Variants in UGT1A4 observed in about 807,000 individuals in gnomAD.
The protein encoded by UGT1A4 is UDP-glucuronosyltransferase 1A4.
A neutral mutation model predicts 41.1 loss-of-function variants in UGT1A4; 32 were observed. The observed-to-expected ratio is 0.78, with a 90% confidence interval of 0.59 to 1.05. The LOEUF (loss-of-function observed/expected upper bound fraction) is 1.05, where lower values mean the gene tolerates loss of function less well. Ranked by LOEUF, UGT1A4 falls within the 50% of genes least tolerant of loss-of-function variation. UGT1A4 has a pLI of 0.00. For missense variants in UGT1A4, 748 were observed against 677.4 expected, an observed-to-expected ratio of 1.10 and a Z score of -1.16; for synonymous variants, 283 against 265.1, an observed-to-expected ratio of 1.07 and a Z score of -0.66.
Position 233,718,936 on chromosome 2 carries a change from G to A in UGT1A4, c.116G>A (p.Ser39Asn), listed in dbSNP as rs377569610. 7.4e-6 allele frequency: 12 copies of A among 1,614,050 alleles called. No homozygotes were observed. In the African/African-American group the frequency reaches 1.3e-4, roughly 18 times the overall value. Reference sequence around the variant, plus strand: ...GTGTTGGTGGTGCCCACTGATGGCAGCCCCTGGCTCAGCATGCGGGAGGCC... The same window carrying A: ...GTGTTGGTGGTGCCCACTGATGGCAACCCCTGGCTCAGCATGCGGGAGGCC... ...GKVLVVPTDG[S>N]PWLSMREALR... Residue 39 changes from serine (S) to asparagine (N), a missense_variant, in exon 1 of 5, where the codon AGC becomes AAC. Coordinates refer to ENST00000373409, the MANE Select transcript of UGT1A4 (RefSeq NM_007120.3).
At chr2:233,743,452 GA>G (rs1692298839) in intron 1 of UGT1A4, 1 of 1,365,542 alleles carries the variant, frequency 7.3e-7, no homozygotes, top group Non-Finnish European at 9.8e-7. Flanking sequence ...ATCAAAAGAA[GA>G]AAAAACACCC....
At chr2:233,760,942 C>G (rs1253140529) in intron 1 of UGT1A4, 13 of 1,614,092 alleles carry the variant, frequency 8.1e-6, no homozygotes, top group Non-Finnish European at 1.1e-5. Flanking sequence ...TGCCTTTTCA[C>G]AGAACTTTCT....
At chr2:233,757,535 A>AATATATATACATATATATACATATAT (rs376887521) in intron 1 of UGT1A4, among the ~76,000 whole-genome samples, 1 of 88,312 alleles carries the variant, frequency 1.1e-5, no homozygotes, top group Non-Finnish European at 2.2e-5. Context: ...GCCTGTAAGG[A>AATATATATACATATATATACATATAT]ATATATATAT....
chr2:233,762,717 G>GT lies in UGT1A4; in HGVS notation c.868-4305dup, dbSNP rs34681509. 2.7e-3 allele frequency among the ~76,000 whole-genome samples: 387 copies of GT among 141,006 alleles called. 1 individual carries two copies. The highest frequency in any genetic ancestry group is 0.012 in the Middle Eastern group (3 of 260). 92.5% of individuals were successfully genotyped at this position (141,006 alleles called of 152,430 possible). On this transcript the variant is annotated intron_variant, in intron 1 of 4. Coordinates refer to ENST00000373409, the MANE Select transcript of UGT1A4 (RefSeq NM_007120.3). ...CATCTTTTCTTAAGTATTTTACACG[G>GT]TTTTTTTTTTTTGGTCACTACTGTG...
At chr2:233,763,451 A>G (rs1353654111) in intron 1 of UGT1A4, among the ~76,000 whole-genome samples, 1 of 152,150 alleles carries the variant, frequency 6.6e-6, no homozygotes, top group African/African-American at 2.4e-5. Flanking sequence ...CATTTTGCCT[A>G]TTTGAATCTA....
intron 2 of UGT1A4, among the ~76,000 whole-genome samples, chr2:233,767,555 C>A (rs1317722684): frequency 3.3e-5 from 5 of 152,206 alleles, no homozygotes; most frequent in Non-Finnish European, 7.3e-5. Context: ...AGTTCTGCAT[C>A]CACTTGTTTC....
Position 233,768,056 on chromosome 2 carries a change from T to G in UGT1A4, c.1087+120T>G, listed in dbSNP as rs35523971. The G allele has an allele frequency of 3.2e-4, 515 of 1,603,390 alleles. No homozygotes were observed. In the African/African-American group the frequency reaches 5.5e-3, roughly 17 times the overall value. On this transcript the variant is annotated intron_variant, in intron 3 of 4. Transcript: ENST00000373409. The stretch of plus-strand genomic sequence containing the variant: ...ATATTATGGCCAACATATCCTACAT[T>G]GCTTTTTATCTAGTGGGGTATCTCA...
In UGT1A4 at chr2:233,768,702, G is replaced by A. The variant is rs573948432; in HGVS notation, c.1307+263G>A. On this transcript the variant is annotated intron_variant, in intron 4 of 4. Coordinates refer to ENST00000373409, the MANE Select transcript of UGT1A4 (RefSeq NM_007120.3). Reference sequence around the variant, plus strand: ...CCCACGTTCAAGCAGTTCTGCCTCAGCCTCCGTGTAGCTGGGATTACAGGT... The same window carrying A: ...CCCACGTTCAAGCAGTTCTGCCTCAACCTCCGTGTAGCTGGGATTACAGGT... 1.1e-4 allele frequency among the ~76,000 whole-genome samples: 17 copies of A among 148,464 alleles called. No homozygotes were observed. In the East Asian group the frequency reaches 3.4e-3, roughly 30 times the overall value.
chr2:233,743,362 C>T (rs1294240310), intron 1 of UGT1A4: 4 of 1,036,752 alleles, frequency 3.9e-6, no homozygotes, highest in Non-Finnish European at 5.4e-6. Flanking sequence ...CTTGAAGCTG[C>T]CTGTCCCATC....
At chr2:233,752,938 T>C (rs1691143472) in intron 1 of UGT1A4, among the ~76,000 whole-genome samples, 1 of 152,262 alleles carries the variant, frequency 6.6e-6, no homozygotes, top group African/African-American at 2.4e-5. Context: ...CACTCTTTGC[T>C]GACCACTGAA....
chr2:233,734,445 A>G (rs1034867572), intron 1 of UGT1A4, among the ~76,000 whole-genome samples: 11 of 144,918 alleles, frequency 7.6e-5, no homozygotes, highest in African/African-American at 3.0e-4. Flanking sequence ...CCAGAGGTCT[A>G]TCAATTTTCA....
At chr2:233,754,995 C>T (rs769077985) in intron 1 of UGT1A4, 25 of 1,295,296 alleles carry the variant, frequency 1.9e-5, no homozygotes, top group Non-Finnish European at 2.3e-5. Flanking sequence ...GTCACGGAAG[C>T]TGAAGACCTA....
chr2:233,743,437 C>G (rs1376111647), intron 1 of UGT1A4: 4 of 1,360,536 alleles, frequency 2.9e-6, no homozygotes, highest in East Asian at 4.6e-5. Flanking sequence ...GGAACGAAAT[C>G]CTGTATCAAA....
intron 1 of UGT1A4, chr2:233,744,008 G>T (rs1692645925): frequency 1.7e-6 from 2 of 1,163,288 alleles, no homozygotes; most frequent in South Asian, 2.8e-5. Flanking sequence ...CGGAGACCTG[G>T]GCCGCCTGGA....
Position 233,743,916 on chromosome 2 carries a change from T to C in UGT1A4, c.868-23118T>C, listed in dbSNP as rs774957959. On this transcript the variant is annotated intron_variant, in intron 1 of 4. Transcript: ENST00000373409. Reference sequence around the variant, plus strand: ...TCCAGCACCTCGTAGTAGTCCACCATGCTGGATGGCCAGAACGGCCCACCA... The same window carrying C: ...TCCAGCACCTCGTAGTAGTCCACCACGCTGGATGGCCAGAACGGCCCACCA... 1.8e-5 allele frequency: 25 copies of C among 1,364,598 alleles called. 1 individual carries two copies. Among genetic ancestry groups the C allele is most frequent in the South Asian group, 1.5e-4 (13 of 87,900 alleles). 84.5% of individuals were successfully genotyped at this position (1,364,598 alleles called of 1,614,324 possible). A position where few individuals can be genotyped will look rare whatever the true frequency, so the allele number is the denominator to read the frequency against.
rs948752989 is a variant in UGT1A4 at position 233,724,891 on chromosome 2, C to G, written c.867+5204C>G. Reference sequence around the variant, plus strand: ...GTAGTGAGCGGAGATCACGCCACTGCACTCCAGCCTGGGCACCATTGAGCA... The same window carrying G: ...GTAGTGAGCGGAGATCACGCCACTGGACTCCAGCCTGGGCACCATTGAGCA... On this transcript the variant is annotated intron_variant, in intron 1 of 4. Transcript: ENST00000373409. Among the ~76,000 whole-genome samples the G allele has an allele frequency of 2.9e-4, 40 of 136,070 alleles. 2 individuals carry two copies. Among genetic ancestry groups the G allele is most frequent in the African/African-American group, 1.2e-3 (40 of 33,596 alleles). The allele number at this position is 136,070 out of a possible 152,430, so 89.3% of individuals were successfully genotyped here. A position where few individuals can be genotyped will look rare whatever the true frequency, so the allele number is the denominator to read the frequency against.
Position 233,719,283 on chromosome 2 carries a change from A to G in UGT1A4, c.463A>G (p.Asn155Asp). 2 of 1,614,074 alleles carry G rather than the reference A, an allele frequency of 1.2e-6. No homozygotes were observed. Among genetic ancestry groups the G allele is most frequent in the Non-Finnish European group, 1.7e-6 (2 of 1,179,972 alleles). Residue 155 changes from asparagine (N) to aspartate (D), a missense_variant, in exon 1 of 5, where the codon AAC becomes GAC. Asn to Asp is a conservative substitution (Grantham distance 23). Coordinates refer to ENST00000373409, the MANE Select transcript of UGT1A4 (RefSeq NM_007120.3). ...SFDVVLTDPV[N>D]LCGAVLAKYL... The stretch of plus-strand genomic sequence containing the variant: ...TGATGTGGTTTTAACAGACCCCGTT[A>G]ACCTCTGTGGGGCGGTGCTGGCTAA...
intron 1 of UGT1A4, chr2:233,747,303 G>T (rs1693616830): frequency 2.5e-6 from 4 of 1,602,128 alleles, no homozygotes; most frequent in Non-Finnish European, 2.6e-6. Context: ...AGAGTGGGAA[G>T]GTGCTGGTGG....
intron 4 of UGT1A4, 143 bp downstream of exon 4, chr2:233,768,582 C>CTTTTTTTTTTTTTTTTTTTTTTTTTTT (rs139595073): frequency 1.2e-6 from 1 of 867,188 alleles, no homozygotes; most frequent in Non-Finnish European, 1.4e-6. Flanking sequence ...TTTATTTCTT[C>CTTTTTTTTTTTTTTTTTTTTTTTTTTT]TTTTTTTTTT....
Sources: gnomAD v4.1 joint callset for allele counts (sites outside exome capture counted in the v4.1 genomes callset) on GRCh38, gnomAD v4.1.1 for gene constraint, MANE v1.5 for transcripts, NCBI Gene and HGNC (gene_info 2026-07-23, HGNC 2026-07-21) for gene names.